The following DEPTOR variants were observed in gnomAD, a reference collection of about 807,000 sequenced individuals.
DEPTOR encodes the protein DEP domain-containing mTOR-interacting protein.
Under a neutral mutation model 41.6 loss-of-function variants are expected in DEPTOR, and 41 were observed. That is an observed-to-expected ratio of 0.98 (90% CI 0.77 to 1.28). The LOEUF is 1.28. DEPTOR is among the 50% of genes most tolerant of loss of function. DEPTOR has a pLI of 0.00. For missense variants in DEPTOR, 514 were observed against 527.9 expected (o/e 0.97, Z 0.26); for synonymous variants, 195 against 192.3 (o/e 1.01, Z -0.12).
intron 1 of DEPTOR, among the ~76,000 whole-genome samples, chr8:119,914,033 CTT>C (rs11314693): frequency 7.4e-4 from 105 of 141,932 alleles, no homozygotes; most frequent in Middle Eastern, 3.6e-3. Context: ...TCTTTCTTTT[CTT>C]TTTTTTTTTT....
chr8:119,967,355 C>T (rs1828575693), intron 4 of DEPTOR, among the ~76,000 whole-genome samples: 2 of 151,622 alleles, frequency 1.3e-5, no homozygotes, highest in South Asian at 4.2e-4. Flanking sequence ...GCTGGGATTA[C>T]AAGTGTGAGC....
At chr8:119,968,193 A>G (rs1828586855) in intron 4 of DEPTOR, among the ~76,000 whole-genome samples, 1 of 152,150 alleles carries the variant, frequency 6.6e-6, no homozygotes, top group African/African-American at 2.4e-5. Flanking sequence ...TTTATTTTAT[A>G]CTATATGCCA....
At chr8:119,903,754 A>T (rs990193825) in intron 1 of DEPTOR, among the ~76,000 whole-genome samples, 3 of 152,150 alleles carry the variant, frequency 2.0e-5, no homozygotes, top group African/African-American at 7.2e-5. Context: ...CATGAGGCTT[A>T]CAGCTCCGTC....
chr8:119,970,633 T>C (rs1401359466), intron 4 of DEPTOR, among the ~76,000 whole-genome samples: 1 of 152,158 alleles, frequency 6.6e-6, no homozygotes, highest in Non-Finnish European at 1.5e-5. Flanking sequence ...TAATAGACCT[T>C]TGAGAGTTTG....
intron 8 of DEPTOR, among the ~76,000 whole-genome samples, chr8:120,021,197 G>A (rs1325324950): frequency 6.6e-6 from 1 of 152,050 alleles, no homozygotes; most frequent in African/African-American, 2.4e-5. Flanking sequence ...GAGGTTATTA[G>A]TTCGAGACCA....
In DEPTOR at chr8:119,913,589, A is replaced by G. The variant is rs570699907; in HGVS notation, c.123-14811A>G. Among the ~76,000 whole-genome samples the G allele has an allele frequency of 5.3e-5, 8 of 152,296 alleles. No homozygotes were observed. In the East Asian group the frequency reaches 1.4e-3, roughly 26 times the overall value. ...CCTTTTAAATGTCTTTCTAAGCCTG[A>G]TAATTTAAAGGGGCTCATATTCCTC... On this transcript the variant is annotated intron_variant, in intron 1 of 8. Coordinates refer to ENST00000286234, the MANE Select transcript of DEPTOR (RefSeq NM_022783.4).
chr8:119,883,780 G>A (rs189387355), intron 1 of DEPTOR, among the ~76,000 whole-genome samples: 22 of 152,230 alleles, frequency 1.4e-4, no homozygotes, highest in Admixed American at 1.1e-3. Context: ...ATATTTACCC[G>A]GAAGCTCTCT....
intron 3 of DEPTOR, among the ~76,000 whole-genome samples, chr8:119,949,166 A>G (rs181362421): frequency 6.6e-5 from 10 of 152,340 alleles, no homozygotes; most frequent in African/African-American, 1.7e-4. Context: ...TTCACTTGGT[A>G]TAATATTTTC....
chr8:120,045,059 A>C (rs1813134071), intron 8 of DEPTOR, among the ~76,000 whole-genome samples: 1 of 152,208 alleles, frequency 6.6e-6, no homozygotes, highest in South Asian at 2.1e-4. Context: ...CACCTGTGAC[A>C]GAGGGTCTTC....
intron 5 of DEPTOR, among the ~76,000 whole-genome samples, chr8:120,002,000 G>A (rs1044125153): frequency 2.0e-5 from 3 of 152,074 alleles, no homozygotes; most frequent in African/African-American, 7.2e-5. Context: ...CTGGCATGGT[G>A]GCACACATCT....
intron 1 of DEPTOR, among the ~76,000 whole-genome samples, chr8:119,881,708 C>A (rs1021594104): frequency 6.6e-6 from 1 of 151,816 alleles, no homozygotes; most frequent in South Asian, 2.1e-4. Context: ...AGGGGGTGTC[C>A]CTTAGAAGCT....
chr8:119,892,950 A>G (rs1223246081), intron 1 of DEPTOR, among the ~76,000 whole-genome samples: 1 of 151,736 alleles, frequency 6.6e-6, no homozygotes, highest in African/African-American at 2.4e-5. Flanking sequence ...GCCCGGCTAA[A>G]TTTTGTATTT....
At chr8:120,006,970 T>C (rs112359263) in intron 7 of DEPTOR, 95 bp downstream of exon 7, 20 of 1,192,564 alleles carry the variant, frequency 1.7e-5, no homozygotes, top group African/African-American at 1.5e-4. Context: ...AAATGAAAAC[T>C]ACTTTTCTAA....
rs769387151 is a variant in DEPTOR at position 120,003,054 on chromosome 8, TTCAGCAGCAGCCCCACCC to T, written c.883_900del (p.Thr295_Pro300del). On this transcript the variant is annotated inframe_deletion, in exon 6 of 9. Transcript: ENST00000286234. ...GAGCAGCTGTGGCAGCAGCGGCTAC[TTCAGCAGCAGCCCCACCC>T]TCAGCAGCAGCCCCCCTGTGCTCTG... 2 of 1,611,946 alleles carry T rather than the reference TTCAGCAGCAGCCCCACCC, an allele frequency of 1.2e-6. No homozygotes were observed. The highest frequency in any genetic ancestry group is 2.2e-5 in the East Asian group (1 of 44,784).
chr8:119,995,314 C>T (rs957641402), intron 4 of DEPTOR, among the ~76,000 whole-genome samples: 9 of 152,110 alleles, frequency 5.9e-5, no homozygotes, highest in Admixed American at 2.0e-4. Flanking sequence ...AGGCCGGGCA[C>T]GGTGGCTCAT....
intron 1 of DEPTOR, among the ~76,000 whole-genome samples, chr8:119,901,645 C>T (rs7465612): frequency 0.5 from 74,299 of 148,492 alleles, 20,117 homozygotes; most frequent in East Asian, 0.92. Flanking sequence ...CACTGCACTC[C>T]AGCCTGGGCA....
intron 4 of DEPTOR, among the ~76,000 whole-genome samples, chr8:120,001,117 C>T (rs1812342302): frequency 6.6e-6 from 1 of 151,560 alleles, no homozygotes; most frequent in African/African-American, 2.4e-5. Flanking sequence ...ATGAGACAAG[C>T]TCTCTGCTGG....
In DEPTOR at chr8:119,961,203, G is replaced by A. The variant is rs1024712999; in HGVS notation, c.426-4029G>A. Among the ~76,000 whole-genome samples the A allele has an allele frequency of 3.6e-4, 55 of 152,076 alleles. 1 individual carries two copies. The highest frequency in any genetic ancestry group is 1.3e-3 in the African/African-American group (53 of 41,510). The stretch of plus-strand genomic sequence containing the variant: ...AGGCTGAGGCGGGTGGATCACCTGA[G>A]GTTGGGAGTTCGAGACCAGCCTGAT... On this transcript the variant is annotated intron_variant, in intron 3 of 8. Coordinates refer to ENST00000286234, the MANE Select transcript of DEPTOR (RefSeq NM_022783.4).
chr8:120,036,427 A>C (rs1812980303), intron 8 of DEPTOR, among the ~76,000 whole-genome samples: 1 of 152,158 alleles, frequency 6.6e-6, no homozygotes, highest in South Asian at 2.1e-4. Flanking sequence ...CTCTGGAGAG[A>C]ATTCTGTGTT....
Sources: allele counts gnomAD v4.1 joint callset (sites outside exome capture counted in the v4.1 genomes callset), GRCh38; gene constraint gnomAD v4.1.1; transcripts MANE v1.5; gene names NCBI Gene and HGNC (gene_info 2026-07-23, HGNC 2026-07-21).